SLCO4A1: variants seen among roughly 807,000 people sequenced by gnomAD.
The protein encoded by SLCO4A1 is solute carrier organic anion transporter family member 4A1.
In SLCO4A1, 51 loss-of-function variants were observed where a neutral mutation model predicts 64.6. The observed-to-expected ratio is 0.79, with a 90% CI of 0.63 to 1.00. The LOEUF is 1.00. Among genes scored for constraint, SLCO4A1 ranks in the 50% least tolerant of loss-of-function variants. SLCO4A1 has a pLI of 0.00. For synonymous variants in SLCO4A1, 471 were observed against 444.9 expected (o/e 1.06, Z -0.74); for missense variants, 919 against 980.5 (o/e 0.94, Z 0.84).
chr20:62,670,635 A>G (rs1987084652), intron 11 of SLCO4A1, among the ~76,000 whole-genome samples: 1 of 152,196 alleles, frequency 6.6e-6, no homozygotes, highest in South Asian at 2.1e-4. Context: ...AGCCGTCCCC[A>G]GACTCTCTCT....
At position 62,656,925 on chromosome 20, in the gene SLCO4A1, C is replaced by G; in HGVS notation, c.471C>G (p.Leu157=). 1 of 1,565,384 alleles carries G rather than the reference C, an allele frequency of 6.4e-7. No homozygotes were observed. The highest frequency in any genetic ancestry group is 8.7e-7 in the Non-Finnish European group (1 of 1,150,074). Residue 157 remains leucine, a synonymous_variant, in exon 2 of 12, where the codon CTC becomes CTG. Transcript: ENST00000217159. The part of the protein sequence containing the change: ...SSYDIAACLC[L]TFVSYFGGSG... ...ACGACATTGCCGCCTGCCTCTGCCT[C>G]ACCTTCGTCAGCTACTTCGGGGGCT... is the stretch of plus-strand genomic sequence containing the variant.
At chr20:62,648,430 G>A (rs1004157963) in intron 1 of SLCO4A1, among the ~76,000 whole-genome samples, 5 of 152,040 alleles carry the variant, frequency 3.3e-5, no homozygotes, top group East Asian at 1.9e-4. Context: ...GCTCACGGGC[G>A]GGGCCACCAG....
chr20:62,656,836 A>T lies in SLCO4A1; in HGVS notation c.382A>T (p.Ile128Phe), dbSNP rs1181803299. 6.2e-7 allele frequency: 1 copy of T among 1,611,684 alleles called. No homozygotes were observed. The highest frequency in any genetic ancestry group is 1.7e-5 in the Admixed American group (1 of 59,932). The stretch of plus-strand genomic sequence containing the variant: ...TGTGAATGGCTTCATCAACACAGTC[A>T]TCACCTCCCTGGAGCGCCGCTATGA... ...MTVNGFINTV[I>F]TSLERRYDLH... Residue 128 changes from isoleucine (I) to phenylalanine (F), a missense_variant, in exon 2 of 12, where the codon ATC becomes TTC. Coordinates refer to ENST00000217159, the MANE Select transcript of SLCO4A1 (RefSeq NM_016354.4).
intron 6 of SLCO4A1, chr20:62,665,307 C>T (rs1985909284): frequency 1.1e-5 from 6 of 547,336 alleles, no homozygotes; most frequent in African/African-American, 5.7e-5. Context: ...GGACATGCTC[C>T]GTAGGTGGAA....
chr20:62,661,202 T>C lies in SLCO4A1; in HGVS notation c.1121+27T>C. The C allele has an allele frequency of 1.3e-6, 2 of 1,520,152 alleles. No individual in the cohort carries two copies. Among genetic ancestry groups the C allele is most frequent in the Non-Finnish European group, 1.8e-6 (2 of 1,095,286 alleles). The allele number at this position is 1,520,152 out of a possible 1,614,324, so 94.2% of individuals were successfully genotyped here. ...TAAGGACCGGAGTCGGGAGGGTTCC[T>C]AGTGTCCTCAGACCCTTTAATGGTC... On this transcript the variant is annotated intron_variant, in intron 5 of 11. Coordinates refer to ENST00000217159, the MANE Select transcript of SLCO4A1 (RefSeq NM_016354.4). This position sits in a 1 kb window ranked among gnomAD's most constrained non-coding sequence, Gnocchi z 5.2.
At chr20:62,660,084 C>T (rs928362980) in intron 3 of SLCO4A1, among the ~76,000 whole-genome samples, 1 of 152,220 alleles carries the variant, frequency 6.6e-6, no homozygotes, top group African/African-American at 2.4e-5. Context: ...TGCCTCCTCC[C>T]GCTGTTGCCT....
chr20:62,666,559 G>C lies in SLCO4A1; in HGVS notation c.1456G>C (p.Ala486Pro). Residue 486 changes from alanine (A) to proline (P), a missense_variant, in exon 7 of 12, where the codon GCC becomes CCC. Transcript: ENST00000217159. ...CPSVPMAGVT[A>P]SYGGSLLPEG... ...CAGTGTGCCCATGGCGGGCGTCACAGCCAGCTACGGCGGGAGGTGAGGGCC... is the reference window on the plus strand; with the variant it reads ...CAGTGTGCCCATGGCGGGCGTCACACCCAGCTACGGCGGGAGGTGAGGGCC... The C allele has an allele frequency of 6.2e-7, 1 of 1,612,468 alleles. No individual in the cohort carries two copies. The highest frequency in any genetic ancestry group is 8.5e-7 in the Non-Finnish European group (1 of 1,179,892).
At chr20:62,675,717 G>A (rs1056032782), downstream of SLCO4A1, among the ~76,000 whole-genome samples, 3 of 152,206 alleles carry the variant, frequency 2.0e-5, no homozygotes, top group South Asian at 2.1e-4. Context: ...CCGCTTCTCC[G>A]GGATCACGGG....
rs202063068 is a variant in SLCO4A1 at position 62,664,476 on chromosome 20, GC to G, written c.1122-456del. Among the ~76,000 whole-genome samples the G allele has an allele frequency of 5.3e-3, 809 of 152,290 alleles. 8 individuals carry two copies. Among genetic ancestry groups the G allele is most frequent in the African/African-American group, 0.019 (772 of 41,554 alleles). The stretch of plus-strand genomic sequence containing the variant: ...GACTTGGTGGCCTCTGCCTGCCCCA[GC>G]CAGTTCCCTTTTTCAGGCCCTGCTG... On this transcript the variant is annotated intron_variant, in intron 5 of 11. Coordinates refer to ENST00000217159, the MANE Select transcript of SLCO4A1 (RefSeq NM_016354.4).
downstream of SLCO4A1, among the ~76,000 whole-genome samples, chr20:62,689,784 T>C (rs1471155612): frequency 2.0e-5 from 3 of 152,236 alleles, 1 homozygote; most frequent in Admixed American, 1.3e-4. Context: ...CTTGTGTTCC[T>C]GGCAGGGGGA....
intron 6 of SLCO4A1, chr20:62,665,995 A>C: frequency 5.7e-6 from 1 of 175,288 alleles, no homozygotes; most frequent in Non-Finnish European, 1.2e-5. Flanking sequence ...CTGGGGGAGG[A>C]GGGGGTGTGG....
At chr20:62,680,095 T>C (rs1391299036) in intron 2 of SLCO4A1, among the ~76,000 whole-genome samples, 1 of 152,198 alleles carries the variant, frequency 6.6e-6, no homozygotes, top group Non-Finnish European at 1.5e-5. Context: ...GGAAGAGCCA[T>C]AGGACCCACA....
chr20:62,679,221 A>C (rs1987722603), intron 2 of SLCO4A1, among the ~76,000 whole-genome samples: 1 of 152,122 alleles, frequency 6.6e-6, no homozygotes, highest in Non-Finnish European at 1.5e-5. Flanking sequence ...CAAACAACAA[A>C]AAAGTAGCAT....
intron 1 of SLCO4A1, among the ~76,000 whole-genome samples, chr20:62,648,451 G>C (rs1211111220): frequency 1.3e-5 from 2 of 152,222 alleles, no homozygotes; most frequent in Admixed American, 1.3e-4. Flanking sequence ...TCAGGGCTCC[G>C]GGCCTGGGCA....
At chr20:62,675,760 A>T (rs1295398990), downstream of SLCO4A1, among the ~76,000 whole-genome samples, 1 of 152,172 alleles carries the variant, frequency 6.6e-6, no homozygotes, top group Non-Finnish European at 1.5e-5. Context: ...TGGGCCCTGG[A>T]TACGCCCTCG....
chr20:62,665,941 G>A lies in SLCO4A1; in HGVS notation c.1277-439G>A, dbSNP rs568463271. On this transcript the variant is annotated intron_variant, in intron 6 of 11. Transcript: ENST00000217159. ...TACTGTTGGTGGCCACTCAGGCTTC[G>A]ACAAATGTCCTTGTCACAGCCTGCA... The A allele has an allele frequency of 4.2e-3, 679 of 163,244 alleles. 2 individuals carry two copies. The highest frequency in any genetic ancestry group is 0.016 in the African/African-American group (653 of 41,970). 10.1% of individuals were successfully genotyped at this position (163,244 alleles called of 1,614,324 possible). A position where few individuals can be genotyped will look rare whatever the true frequency, so the allele number is the denominator to read the frequency against.
chr20:62,646,161 G>C (rs952086282), intron 1 of SLCO4A1, among the ~76,000 whole-genome samples: 2 of 152,268 alleles, frequency 1.3e-5, no homozygotes, highest in Non-Finnish European at 2.9e-5. Context: ...GGTCAGGTTT[G>C]AGCCCCTTTG....
chr20:62,650,904 C>G (rs1354331302), intron 1 of SLCO4A1: 2 of 152,386 alleles, frequency 1.3e-5, no homozygotes, highest in Non-Finnish European at 2.9e-5. Context: ...ATGCTGGGCA[C>G]CCACTTCTCC....
At chr20:62,659,964 A>G (rs1468337925) in intron 3 of SLCO4A1, among the ~76,000 whole-genome samples, 3 of 152,198 alleles carry the variant, frequency 2.0e-5, no homozygotes, top group African/African-American at 7.2e-5. Context: ...TTATGTGCAA[A>G]TTGCCACGTG....
Sources: allele counts gnomAD v4.1 joint callset (sites outside exome capture counted in the v4.1 genomes callset), GRCh38; gene constraint gnomAD v4.1.1; non-coding constraint Gnocchi (gnomAD v3.1); transcripts MANE v1.5; gene names NCBI Gene and HGNC (gene_info 2026-07-23, HGNC 2026-07-21).